The following CTNNA2 variants were observed in gnomAD, a reference collection of about 807,000 sequenced individuals.
The protein encoded by CTNNA2 is catenin alpha 2.
Under a neutral mutation model 101.0 loss-of-function variants are expected in CTNNA2, and 42 were observed. The ratio of observed to expected loss-of-function variants is 0.42; its 90% CI spans 0.32 to 0.54. The LOEUF (loss-of-function observed/expected upper bound fraction) is 0.54. Among genes scored for constraint, CTNNA2 ranks in the 20% least tolerant of loss-of-function variants. The probability of loss-of-function intolerance (pLI) is 0.14; values close to 1 mark genes in which losing one functional copy is unlikely to be tolerated. For synonymous variants in CTNNA2, 450 were observed against 456.4 expected (o/e 0.99, Z 0.18); for missense variants, 871 against 1,223.1 (o/e 0.71, Z 4.29).
At chr2:80,076,784 G>C (rs1698786110) in intron 7 of CTNNA2, among the ~76,000 whole-genome samples, 1 of 152,000 alleles carries the variant, frequency 6.6e-6, no homozygotes, top group African/African-American at 2.4e-5. Flanking sequence ...CAAGAAAACA[G>C]AGTTGCTAAA....
At chr2:79,851,695 CTCATCCTTTTTTTTCTTTTTCTTTT>C (rs1247722868) in intron 3 of CTNNA2, among the ~76,000 whole-genome samples, 168 of 91,636 alleles carry the variant, frequency 1.8e-3, no homozygotes, top group African/African-American at 5.6e-3. Flanking sequence ...TGCCCTTTTT[CTCATCCTTTTTTTTCTTTTTCTTTT>C]TCATTTTTTT....
chr2:80,585,879 A>C (rs952503786), intron 14 of CTNNA2, among the ~76,000 whole-genome samples: 1 of 152,208 alleles, frequency 6.6e-6, no homozygotes, highest in Non-Finnish European at 1.5e-5. Flanking sequence ...ACTTCAGCTC[A>C]TTGATAGCTA....
At chr2:79,278,444 C>T (rs569452999) in intron 2 of CTNNA2, among the ~76,000 whole-genome samples, 1 of 151,276 alleles carries the variant, frequency 6.6e-6, no homozygotes, top group Non-Finnish European at 1.5e-5. Context: ...GTAGGGACAG[C>T]AAAAGCATAG....
At chr2:80,206,555 G>C (rs1278952285) in intron 7 of CTNNA2, among the ~76,000 whole-genome samples, 1 of 152,326 alleles carries the variant, frequency 6.6e-6, no homozygotes, top group South Asian at 2.1e-4. Flanking sequence ...AGTTTTGCAT[G>C]GTGAAAAGAG....
intron 7 of CTNNA2, among the ~76,000 whole-genome samples, chr2:79,970,740 G>A (rs1690418571): frequency 2.0e-5 from 3 of 152,116 alleles, no homozygotes; most frequent in African/African-American, 7.2e-5. Context: ...AAATTACTGT[G>A]AGGAAAGCAA....
chr2:80,399,847 G>A (rs1038196496), intron 8 of CTNNA2, among the ~76,000 whole-genome samples: 3 of 152,164 alleles, frequency 2.0e-5, no homozygotes, highest in African/African-American at 7.2e-5. Flanking sequence ...AAATTCCTAA[G>A]CAGGGAAACT....
In CTNNA2 at chr2:80,303,933, A is replaced by G. The variant is rs1227592964; in HGVS notation, c.1057-89278A>G. On this transcript the variant is annotated intron_variant, in intron 7 of 18. Transcript: ENST00000402739. The surrounding 1 kb of genome is among the most constrained non-coding windows in gnomAD (Gnocchi z 7.7). Reference sequence around the variant, plus strand: ...AAGCGGGGGAGGGGGAGAAAAGGGCAAAAAATCAAATAAATACATAGAAAT... The same window carrying G: ...AAGCGGGGGAGGGGGAGAAAAGGGCGAAAAATCAAATAAATACATAGAAAT... 1 of 1,265,530 alleles carries G rather than the reference A, an allele frequency of 7.9e-7. No individual in the cohort carries two copies. The highest frequency in any genetic ancestry group is 1.1e-6 in the Non-Finnish European group (1 of 949,756). The allele number at this position is 1,265,530 out of a possible 1,614,324, so 78.4% of individuals were successfully genotyped here. A position where few individuals can be genotyped will look rare whatever the true frequency, so the allele number is the denominator to read the frequency against.
intron 2 of CTNNA2, among the ~76,000 whole-genome samples, chr2:79,280,685 A>AGAG (rs1553390858): frequency 0.023 from 2,044 of 88,432 alleles, 85 homozygotes; most frequent in African/African-American, 0.046. Context: ...GAGAGAGAGA[A>AGAG]AGAGAGAGAG....
intron 2 of CTNNA2, among the ~76,000 whole-genome samples, chr2:79,237,304 G>C (rs60111084): frequency 6.6e-6 from 1 of 152,106 alleles, no homozygotes; most frequent in African/African-American, 2.4e-5. Flanking sequence ...TGAGTAGAAG[G>C]CCTCAATGGT....
At chr2:80,450,149 T>A (rs1351371103) in intron 9 of CTNNA2, among the ~76,000 whole-genome samples, 1 of 152,194 alleles carries the variant, frequency 6.6e-6, no homozygotes, top group Non-Finnish European at 1.5e-5. Flanking sequence ...GTTCTTAAGA[T>A]GTTAATAGAT....
intron 2 of CTNNA2, 80 bp from the exon 3 acceptor site, chr2:79,744,307 A>G: frequency 7.5e-7 from 1 of 1,339,620 alleles, no homozygotes; most frequent in South Asian, 1.5e-5. Flanking sequence ...ATAAACACGG[A>G]GATTTAGAAA....
chr2:80,005,218 T>A (rs1693252380), intron 7 of CTNNA2, among the ~76,000 whole-genome samples: 1 of 152,148 alleles, frequency 6.6e-6, no homozygotes, highest in Admixed American at 6.6e-5. Flanking sequence ...GTTGTGTGCA[T>A]ATAGCTGTGT....
intron 7 of CTNNA2, among the ~76,000 whole-genome samples, chr2:79,927,258 A>G (rs1464176345): frequency 1.3e-5 from 2 of 152,040 alleles, no homozygotes; most frequent in Non-Finnish European, 2.9e-5. Context: ...TTTTGGTTTG[A>G]TTTGTTTTGG....
At chr2:80,249,798 C>T (rs181946178) in intron 7 of CTNNA2, among the ~76,000 whole-genome samples, 1 of 152,260 alleles carries the variant, frequency 6.6e-6, no homozygotes, top group East Asian at 1.9e-4. Flanking sequence ...CACTAAGCAT[C>T]CCATGTTATG....
intron 15 of CTNNA2, among the ~76,000 whole-genome samples, chr2:80,591,727 C>G (rs561441979): frequency 6.6e-6 from 1 of 152,080 alleles, no homozygotes; most frequent in Non-Finnish European, 1.5e-5. Context: ...TGTGGGTACA[C>G]AATACCCTGG....
intron 7 of CTNNA2, among the ~76,000 whole-genome samples, chr2:80,306,872 C>T (rs950394879): frequency 6.6e-6 from 1 of 151,734 alleles, no homozygotes; most frequent in African/African-American, 2.4e-5. Flanking sequence ...AGAAGAGGTC[C>T]CACTTTGGAT....
chr2:79,380,424 G>A (rs1458534377), intron 4 of CTNNA2, among the ~76,000 whole-genome samples: 1 of 151,820 alleles, frequency 6.6e-6, no homozygotes, highest in East Asian at 1.9e-4. Context: ...ACATTAGTCT[G>A]TCAAGCCAAC....
intron 11 of CTNNA2, among the ~76,000 whole-genome samples, chr2:80,550,474 C>T (rs1291438680): frequency 6.6e-6 from 1 of 152,212 alleles, no homozygotes; most frequent in Non-Finnish European, 1.5e-5. Flanking sequence ...ATGTGAGATG[C>T]TGTTTGACAG....
At chr2:80,046,538 CT>C (rs35625146) in intron 7 of CTNNA2, among the ~76,000 whole-genome samples, 1 of 151,958 alleles carries the variant, frequency 6.6e-6, no homozygotes, top group Non-Finnish European at 1.5e-5. Context: ...GGTGTTCAAA[CT>C]TTTTTTACAG....
Sources: allele counts gnomAD v4.1 joint callset (sites outside exome capture counted in the v4.1 genomes callset), GRCh38; gene constraint gnomAD v4.1.1; non-coding constraint Gnocchi (gnomAD v3.1); transcripts MANE v1.5; gene names NCBI Gene and HGNC (gene_info 2026-07-23, HGNC 2026-07-21).